The following SLC35B3 variants were observed in gnomAD, a reference collection of about 807,000 sequenced individuals.
SLC35B3 encodes adenosine 3'-phospho 5'-phosphosulfate transporter 2.
In SLC35B3, 35 loss-of-function variants were observed where a neutral mutation model predicts 44.1. The ratio of observed to expected loss-of-function variants is 0.79; its 90% confidence interval spans 0.61 to 1.05. The LOEUF (loss-of-function observed/expected upper bound fraction) is 1.05. SLC35B3 is among the 50% of genes least tolerant of loss of function. SLC35B3 has a pLI of 0.00. For missense variants in SLC35B3, 414 were observed against 476.4 expected (o/e 0.87, Z 1.22); for synonymous variants, 146 against 167.3 (o/e 0.87, Z 0.98).
In SLC35B3 at chr6:8,420,891, CTA is replaced by C; in HGVS notation, c.575-65_575-64del. ...ATACCCACCCAGCTTTATATTTGCT[CTA>C]TGTGTTAAGTAGAACATGGATTTGT... On this transcript the variant is annotated intron_variant, in intron 5 of 10. Coordinates refer to ENST00000644923, the MANE Select transcript of SLC35B3 (RefSeq NM_001370476.2). The surrounding 1 kb of genome is among the most constrained non-coding windows in gnomAD (Gnocchi z 4.4). 2 of 1,288,216 alleles carry C rather than the reference CTA, an allele frequency of 1.6e-6. No homozygotes were observed. Among genetic ancestry groups the C allele is most frequent in the South Asian group, 2.6e-5 (2 of 76,600 alleles). 79.8% of individuals were successfully genotyped at this position (1,288,216 alleles called of 1,614,324 possible).
At chr6:8,417,551 T>G in intron 7 of SLC35B3, 57 bp from the exon 7 acceptor site, 1 of 1,010,658 alleles carries the variant, frequency 9.9e-7, no homozygotes, top group Non-Finnish European at 1.5e-6. Flanking sequence ...AATGGAAGAT[T>G]AAGGGTTTTA....
intron 3 of SLC35B3, 136 bp from the exon 3 acceptor site, chr6:8,428,194 T>C (rs559704234): frequency 4.0e-6 from 3 of 758,950 alleles, no homozygotes; most frequent in South Asian, 4.4e-5. Context: ...TTAGAGAGGT[T>C]AGAAGCTCTT....
At position 8,428,195 on chromosome 6, in the gene SLC35B3, A is replaced by G. The variant is rs530182779; in HGVS notation, c.298-137T>C. The G allele has an allele frequency of 1.7e-5, 13 of 758,378 alleles. No homozygotes were observed. In the East Asian group the frequency reaches 3.1e-4, roughly 18 times the overall value. The allele number at this position is 758,378 out of a possible 1,614,324, so 47.0% of individuals were successfully genotyped here. On this transcript the variant is annotated intron_variant, in intron 3 of 10. Coordinates refer to ENST00000644923, the MANE Select transcript of SLC35B3 (RefSeq NM_001370476.2). Reference sequence around the variant, plus strand: ...CAACAAAATGTAAATTAGAGAGGTTAGAAGCTCTTTCATATTGGTAATGTT... The same window carrying G: ...CAACAAAATGTAAATTAGAGAGGTTGGAAGCTCTTTCATATTGGTAATGTT...
At chr6:8,426,888 C>T (rs1190235060) in intron 4 of SLC35B3, among the ~76,000 whole-genome samples, 2 of 152,096 alleles carry the variant, frequency 1.3e-5, no homozygotes, top group African/African-American at 4.8e-5. Flanking sequence ...GTGATATGAA[C>T]AATAAGGTTC....
chr6:8,415,344 A>C (rs1762323437), intron 9 of SLC35B3, among the ~76,000 whole-genome samples: 1 of 152,204 alleles, frequency 6.6e-6, no homozygotes, highest in Admixed American at 6.6e-5. Flanking sequence ...TAGAAACAGT[A>C]ATCTAAAGGA....
chr6:8,420,077 T>G lies in SLC35B3; in HGVS notation c.683-400A>C, dbSNP rs942325997. Reference sequence around the variant, plus strand: ...AAAAACAGATGAAGAGAAAAGTCATTTTTGAAAAACCCTATTATTACTAAA... The same window carrying G: ...AAAAACAGATGAAGAGAAAAGTCATGTTTGAAAAACCCTATTATTACTAAA... On this transcript the variant is annotated intron_variant, in intron 6 of 10. Coordinates refer to ENST00000644923, the MANE Select transcript of SLC35B3 (RefSeq NM_001370476.2). The surrounding 1 kb of genome is among the most constrained non-coding windows in gnomAD (Gnocchi z 4.4). Among the ~76,000 whole-genome samples the G allele has an allele frequency of 4.6e-5, 7 of 152,022 alleles. No individual in the cohort carries two copies. Among genetic ancestry groups the G allele is most frequent in the African/African-American group, 1.7e-4 (7 of 41,448 alleles).
In SLC35B3 at chr6:8,420,752, G is replaced by A; in HGVS notation, c.651C>T (p.Asp217=). ...GGTTGAAATTTGGTGCAGTTGTGCT[G>A]TCAGCGAGGGTAAACCATATCAGGC... Residue 217 remains aspartate, a synonymous_variant, in exon 6 of 11, where the codon GAC becomes GAT. Coordinates refer to ENST00000644923, the MANE Select transcript of SLC35B3 (RefSeq NM_001370476.2). This position sits in a 1 kb window ranked among gnomAD's most constrained non-coding sequence, Gnocchi z 4.4. 2 of 1,612,940 alleles carry A rather than the reference G, an allele frequency of 1.2e-6. No homozygotes were observed. The highest frequency in any genetic ancestry group is 1.7e-6 in the Non-Finnish European group (2 of 1,179,138).
Position 8,415,864 on chromosome 6 carries a change from G to A in SLC35B3, c.986-887C>T, listed in dbSNP as rs373502356. Among the ~76,000 whole-genome samples, 124 of 152,220 alleles carry A rather than the reference G, an allele frequency of 8.1e-4. 1 individual carries two copies. The highest frequency in any genetic ancestry group is 2.9e-3 in the African/African-American group (120 of 41,542). On this transcript the variant is annotated intron_variant, in intron 9 of 10. Coordinates refer to ENST00000644923, the MANE Select transcript of SLC35B3 (RefSeq NM_001370476.2). The stretch of plus-strand genomic sequence containing the variant: ...AATGTGAGCAGAAGTGCTGTTTCTC[G>A]GAGTATGGCTTTTAGGATTTTCATC...
Position 8,434,362 on chromosome 6 carries a change from C to T in SLC35B3, c.3+23G>A. 1 of 1,609,456 alleles carries T rather than the reference C, an allele frequency of 6.2e-7. No individual in the cohort carries two copies. The highest frequency in any genetic ancestry group is 8.5e-7 in the Non-Finnish European group (1 of 1,176,466). On this transcript the variant is annotated intron_variant, in intron 2 of 10. Coordinates refer to ENST00000644923, the MANE Select transcript of SLC35B3 (RefSeq NM_001370476.2). This position sits in a 1 kb window ranked among gnomAD's most constrained non-coding sequence, Gnocchi z 6.3. ...TTTAACTATACTTTGCCACACTCAA[C>T]GTTACAAATAAAAGAATCTTACCAT...
Position 8,434,973 on chromosome 6 carries a change from C to CG in SLC35B3, c.-44+369dup. On this transcript the variant is annotated intron_variant, in intron 1 of 10. Coordinates refer to ENST00000644923, the MANE Select transcript of SLC35B3 (RefSeq NM_001370476.2). This position sits in a 1 kb window ranked among gnomAD's most constrained non-coding sequence, Gnocchi z 6.3. ...GTGCCCCTATTTAATAAACACGGAA[C>CG]GAGGAAACAGTTAACTGTAAATACA... is the stretch of plus-strand genomic sequence containing the variant. 1.5e-6 allele frequency: 1 copy of CG among 658,436 alleles called. No homozygotes were observed. The allele number at this position is 658,436 out of a possible 1,614,324, so 40.8% of individuals were successfully genotyped here.
In SLC35B3 at chr6:8,430,163, G is replaced by A. The variant is rs17183864; in HGVS notation, c.4-6C>T. 0.014 allele frequency: 21,703 copies of A among 1,544,260 alleles called. 211 individuals are homozygous for A. Among genetic ancestry groups the A allele is most frequent in the Non-Finnish European group, 0.017 (19,084 of 1,150,050 alleles). On this transcript the variant is annotated splice_region_variant and splice_polypyrimidine_tract_variant and intron_variant, in intron 2 of 10. Coordinates refer to ENST00000644923, the MANE Select transcript of SLC35B3 (RefSeq NM_001370476.2). ...TTTGCTTGCTGTGTCAAGTCCTAGA[G>A]AAGGAAATAAGCAATTAAAACATTT...
Position 8,435,241 on chromosome 6 carries a change from C to G in SLC35B3, c.-44+102G>C, listed in dbSNP as rs1286852999. 9 of 1,289,324 alleles carry G rather than the reference C, an allele frequency of 7.0e-6. No homozygotes were observed. The East Asian group carries it at 5.0e-4, about 72-fold the overall frequency. 79.9% of individuals were successfully genotyped at this position (1,289,324 alleles called of 1,614,324 possible). ...TTCCATCCCGACCTCATCCATTCCTCGAACGCTCCTTCTGGATGAGGAAGA... is the reference window on the plus strand; with the variant it reads ...TTCCATCCCGACCTCATCCATTCCTGGAACGCTCCTTCTGGATGAGGAAGA... On this transcript the variant is annotated intron_variant, in intron 1 of 10. Transcript: ENST00000644923. The surrounding 1 kb of genome is among the most constrained non-coding windows in gnomAD (Gnocchi z 5.5).
At position 8,416,979 on chromosome 6, in the gene SLC35B3, T is replaced by C. The variant is rs1487018848; in HGVS notation, c.890A>G (p.Tyr297Cys). Residue 297 changes from tyrosine to cysteine, a missense_variant, in exon 9 of 11, where the codon TAT becomes TGT. Coordinates refer to ENST00000644923, the MANE Select transcript of SLC35B3 (RefSeq NM_001370476.2). ...GAGGGAAAAAAGGAACGCATAACCA[T>C]AGGTCCGAACTGGATTCTGCAAAAA... 7 of 1,597,148 alleles carry C rather than the reference T, an allele frequency of 4.4e-6. No individual in the cohort carries two copies. The highest frequency in any genetic ancestry group is 5.1e-6 in the Non-Finnish European group (6 of 1,171,852).
At position 8,428,060 on chromosome 6, in the gene SLC35B3, T is replaced by C. The variant is rs1346789245; in HGVS notation, c.298-2A>G. On this transcript the variant is annotated splice_acceptor_variant, in intron 3 of 10. Transcript: ENST00000644923. LOFTEE classifies it high-confidence loss of function. Reference sequence around the variant, plus strand: ...ACCCTCCACTGAAAATATTAATTCCTGTCAAAAGACACATGAACACTGTTA... The same window carrying C: ...ACCCTCCACTGAAAATATTAATTCCCGTCAAAAGACACATGAACACTGTTA... The C allele has an allele frequency of 3.2e-6, 5 of 1,584,574 alleles. No homozygotes were observed. Among genetic ancestry groups the C allele is most frequent in the Non-Finnish European group, 4.3e-6 (5 of 1,165,938 alleles).
At position 8,434,585 on chromosome 6, in the gene SLC35B3, T is replaced by G. The variant is rs61610917; in HGVS notation, c.-43-155A>C. 0.031 allele frequency among the ~76,000 whole-genome samples: 4,761 copies of G among 152,256 alleles called. 266 individuals carry two copies. Among genetic ancestry groups the G allele is most frequent in the African/African-American group, 0.11 (4,534 of 41,520 alleles). The stretch of plus-strand genomic sequence containing the variant: ...AAAGTTAACACTAGGACTTTATATA[T>G]TAAGTAATTAAGTAAAAATAACGCT... On this transcript the variant is annotated intron_variant, in intron 1 of 10. Transcript: ENST00000644923. The surrounding 1 kb of genome is among the most constrained non-coding windows in gnomAD (Gnocchi z 6.3).
intron 4 of SLC35B3, 107 bp downstream of exon 3, chr6:8,427,830 G>A (rs915119708): frequency 1.6e-5 from 14 of 887,614 alleles, no homozygotes; most frequent in East Asian, 1.5e-4. Flanking sequence ...AAGAGTTCGT[G>A]CCTATCACAT....
At position 8,420,628 on chromosome 6, in the gene SLC35B3, C is replaced by G; in HGVS notation, c.682+93G>C. The G allele has an allele frequency of 1.1e-6, 1 of 876,976 alleles. No homozygotes were observed. The highest frequency in any genetic ancestry group is 1.7e-5 in the South Asian group (1 of 58,696). 54.3% of individuals were successfully genotyped at this position (876,976 alleles called of 1,614,324 possible). Reference sequence around the variant, plus strand: ...TGTTAGATATGAAAATTGCAGCTGTCACACTATCATTTAAAATGCTTACAA... The same window carrying G: ...TGTTAGATATGAAAATTGCAGCTGTGACACTATCATTTAAAATGCTTACAA... On this transcript the variant is annotated intron_variant, in intron 6 of 10. Coordinates refer to ENST00000644923, the MANE Select transcript of SLC35B3 (RefSeq NM_001370476.2). The surrounding 1 kb of genome is among the most constrained non-coding windows in gnomAD (Gnocchi z 4.4).
chr6:8,414,242 A>G (rs879554683), intron 10 of SLC35B3, among the ~76,000 whole-genome samples: 5 of 152,202 alleles, frequency 3.3e-5, no homozygotes, highest in African/African-American at 9.6e-5. Flanking sequence ...AATCTGTAAT[A>G]TATTGATGGA....
At position 8,420,417 on chromosome 6, in the gene SLC35B3, T is replaced by G. The variant is rs1359485993; in HGVS notation, c.682+304A>C. On this transcript the variant is annotated intron_variant, in intron 6 of 10. Coordinates refer to ENST00000644923, the MANE Select transcript of SLC35B3 (RefSeq NM_001370476.2). This position sits in a 1 kb window ranked among gnomAD's most constrained non-coding sequence, Gnocchi z 4.4. ...ACAATTATTTGTTCATATTCATTTT[T>G]GAATAACGTAATACTGAGTTACGAC... Among the ~76,000 whole-genome samples, 1 of 152,118 alleles carries G rather than the reference T, an allele frequency of 6.6e-6. No individual in the cohort carries two copies. Among genetic ancestry groups the G allele is most frequent in the Non-Finnish European group, 1.5e-5 (1 of 68,030 alleles).
Sources: allele counts gnomAD v4.1 joint callset (sites outside exome capture counted in the v4.1 genomes callset), GRCh38; gene constraint gnomAD v4.1.1; non-coding constraint Gnocchi (gnomAD v3.1); transcripts MANE v1.5; gene names NCBI Gene and HGNC (gene_info 2026-07-23, HGNC 2026-07-21).